Variants in DNAJC13 observed in about 807,000 individuals in gnomAD.
The protein encoded by DNAJC13 is DnaJ heat shock protein family (Hsp40) member C13, also known as dnaJ homolog subfamily C member 13.
Under a neutral mutation model 290.5 loss-of-function variants are expected in DNAJC13, and 75 were observed. The ratio of observed to expected loss-of-function variants is 0.26; its 90% CI spans 0.21 to 0.31. The LOEUF (loss-of-function observed/expected upper bound fraction) is 0.31, where lower values mean the gene tolerates loss of function less well. Among genes scored for constraint, DNAJC13 ranks in the 10% least tolerant of loss-of-function variants. The pLI is 1.00. For synonymous variants in DNAJC13, 862 were observed against 892.0 expected, an observed-to-expected ratio of 0.97 and a Z score of 0.60; for missense variants, 2,260 against 2,674.5, an observed-to-expected ratio of 0.85 and a Z score of 3.42.
At chr3:132,525,831 T>C (rs1413464813) in intron 52 of DNAJC13, 42 bp downstream of exon 52, 1 of 1,586,532 alleles carries the variant, frequency 6.3e-7, no homozygotes, top group South Asian at 1.1e-5. Context: ...CTCCAGAATT[T>C]ATCTATGCTC....
At chr3:132,492,655 A>G (rs1935100050) in intron 33 of DNAJC13, 40 bp downstream of exon 33, 2 of 1,576,402 alleles carry the variant, frequency 1.3e-6, no homozygotes, top group Non-Finnish European at 1.7e-6. Context: ...TAAGCCATAA[A>G]AATAGCCTCT....
At chr3:132,468,529 CTATG>C (rs1299482361) in intron 20 of DNAJC13, among the ~76,000 whole-genome samples, 3 of 152,084 alleles carry the variant, frequency 2.0e-5, no homozygotes, top group African/African-American at 7.2e-5. Flanking sequence ...TTTCAAGTGA[CTATG>C]TAGTATAGTA....
In DNAJC13 at chr3:132,473,240, T is replaced by A; in HGVS notation, c.2291+13T>A. 6.5e-7 allele frequency: 1 copy of A among 1,537,092 alleles called. No individual in the cohort carries two copies. The highest frequency in any genetic ancestry group is 1.2e-5 in the South Asian group (1 of 84,804). ...TCTTCTATTATAGGTAAACTTTAGGTCTCTTTTCCAATAAAGATTAAATTT... is the reference window on the plus strand; with the variant it reads ...TCTTCTATTATAGGTAAACTTTAGGACTCTTTTCCAATAAAGATTAAATTT... On this transcript the variant is annotated intron_variant, in intron 21 of 55. Coordinates refer to ENST00000260818, the MANE Select transcript of DNAJC13 (RefSeq NM_015268.4).
At chr3:132,471,321 G>C (rs1430361371) in intron 20 of DNAJC13, among the ~76,000 whole-genome samples, 2 of 146,244 alleles carry the variant, frequency 1.4e-5, no homozygotes, top group Non-Finnish European at 1.5e-5. Context: ...TCCCGGACGG[G>C]GCGGCTGGCC....
chr3:132,526,461 C>A (rs567747166), intron 53 of DNAJC13, among the ~76,000 whole-genome samples, 180 bp downstream of exon 53: 1 of 151,852 alleles, frequency 6.6e-6, no homozygotes, highest in Non-Finnish European at 1.5e-5. Flanking sequence ...GTGTATAATA[C>A]GTGTGTATAT....
Position 132,530,765 on chromosome 3 carries a change from G to C in DNAJC13, c.6526-233G>C, listed in dbSNP as rs550473896. Among the ~76,000 whole-genome samples, 3 of 152,268 alleles carry C rather than the reference G, an allele frequency of 2.0e-5. No individual in the cohort carries two copies. The South Asian group carries it at 6.2e-4, about 32-fold the overall frequency. On this transcript the variant is annotated intron_variant, in intron 54 of 55. Transcript: ENST00000260818. ...TCGGTAATTGTAGGTTCAAATAATA[G>C]AGTCCAGCTTCAGAGGGACGACTGA...
intron 6 of DNAJC13, 129 bp from the exon 7 acceptor site, chr3:132,453,169 A>G (rs748974925): frequency 2.3e-4 from 165 of 719,104 alleles, no homozygotes; most frequent in Middle Eastern, 7.8e-4. Flanking sequence ...ACAACTGCTT[A>G]TTTGCCTCTA....
chr3:132,488,695 CTA>C (rs1934965261), intron 30 of DNAJC13, among the ~76,000 whole-genome samples: 1 of 152,016 alleles, frequency 6.6e-6, no homozygotes, highest in Admixed American at 6.6e-5. Context: ...TTTAATATAA[CTA>C]TATTCATATT....
chr3:132,431,471 T>C (rs148810086), intron 1 of DNAJC13, among the ~76,000 whole-genome samples: 1 of 152,018 alleles, frequency 6.6e-6, no homozygotes, highest in East Asian at 1.9e-4. Context: ...TGAACACAGA[T>C]TTGAAGGAGA....
chr3:132,470,178 G>A (rs527449587), intron 20 of DNAJC13, among the ~76,000 whole-genome samples: 3 of 75,990 alleles, frequency 3.9e-5, no homozygotes, highest in Non-Finnish European at 7.5e-5. Flanking sequence ...ATTAGGGATT[G>A]GTGATGACTC....
chr3:132,479,276 T>C lies in DNAJC13; in HGVS notation c.2759T>C (p.Leu920Ser). 6.2e-7 allele frequency: 1 copy of C among 1,604,314 alleles called. No individual in the cohort carries two copies. Among genetic ancestry groups the C allele is most frequent in the Non-Finnish European group, 8.5e-7 (1 of 1,171,716 alleles). Residue 920 changes from leucine to serine, a missense_variant, in exon 25 of 56, where the codon TTG becomes TCG. This residue lies in a region of DNAJC13 where 1,494 missense variants were observed against 1,693.7 expected (regional missense o/e 0.88). Transcript: ENST00000260818. ...RDRLILFLNK[L>S]ILNKKNVKDL... Reference sequence around the variant, plus strand: ...AGGTTGATTCTCTTCCTTAACAAGTTGATCCTTAATAAGGTACAGTAGTTT... The same window carrying C: ...AGGTTGATTCTCTTCCTTAACAAGTCGATCCTTAATAAGGTACAGTAGTTT...
rs1446238685 is a variant in DNAJC13, at chr3:132,507,422, C to T, written c.5115+69C>T. The T allele has an allele frequency of 6.8e-5, 62 of 916,472 alleles. 1 individual carries two copies. In the Admixed American group the frequency reaches 1.2e-3, roughly 17 times the overall value. 56.8% of individuals were successfully genotyped at this position (916,472 alleles called of 1,614,324 possible). A position where few individuals can be genotyped will look rare whatever the true frequency, so the allele number is the denominator to read the frequency against. ...TGTTACTGAAAGTTACTAGTTTATT[C>T]ACACTTTATAGAGGCACACTTCATT... On this transcript the variant is annotated intron_variant, in intron 43 of 55. Coordinates refer to ENST00000260818, the MANE Select transcript of DNAJC13 (RefSeq NM_015268.4).
chr3:132,487,784 TTTC>T (rs1211516637), intron 29 of DNAJC13, among the ~76,000 whole-genome samples: 2 of 152,144 alleles, frequency 1.3e-5, no homozygotes, highest in Non-Finnish European at 2.9e-5. Context: ...CTAGCTCAAA[TTTC>T]TAGAGGCCAC....
At chr3:132,495,021 G>A in intron 34 of DNAJC13, 67 bp from the exon 35 acceptor site, 1 of 1,054,158 alleles carries the variant, frequency 9.5e-7, no homozygotes, top group South Asian at 1.5e-5. Flanking sequence ...TATCATTTTA[G>A]ATGGTTTTGT....
intron 20 of DNAJC13, among the ~76,000 whole-genome samples, chr3:132,470,541 C>T (rs1934168997): frequency 7.3e-6 from 1 of 136,758 alleles, no homozygotes; most frequent in Non-Finnish European, 1.6e-5. Flanking sequence ...CAGAGGGGCT[C>T]CTCACTTCCC....
At position 132,492,410 on chromosome 3, in the gene DNAJC13, G is replaced by A. The variant is rs1264072474; in HGVS notation, c.3624-4G>A. 2 of 1,613,436 alleles carry A rather than the reference G, an allele frequency of 1.2e-6. No individual in the cohort carries two copies. The highest frequency in any genetic ancestry group is 2.2e-5 in the East Asian group (1 of 44,852). ...AGCTTGAATGGAGGTTTTTATGATT[G>A]TAGGCGCCTGATGATAGAGAAGATT... On this transcript the variant is annotated splice_region_variant and splice_polypyrimidine_tract_variant and intron_variant, in intron 32 of 55. Transcript: ENST00000260818.
chr3:132,418,742 T>C (rs1938872751), intron 1 of DNAJC13, among the ~76,000 whole-genome samples: 1 of 152,186 alleles, frequency 6.6e-6, no homozygotes, highest in Admixed American at 6.5e-5. Context: ...AAAGTAGAAG[T>C]TCAGAACCTG....
chr3:132,450,830 G>A lies in DNAJC13; in HGVS notation c.520G>A (p.Gly174Arg). ...DYQGGFCILY[G>R]GFSRLHLFAS... ...TCAAGGAGGATTTTGTATACTTTAT[G>A]GAGGATTTAGTAGATTGGTAAGTAC... The change falls in exon 6 of 56, where the codon GGA becomes AGA. Residue 174 changes from glycine (G) to arginine (R), a missense_variant. By Grantham distance (125) the Gly-to-Arg change is moderately radical. Transcript: ENST00000260818. 6.3e-7 allele frequency: 1 copy of A among 1,579,016 alleles called. No individual in the cohort carries two copies. The highest frequency in any genetic ancestry group is 8.7e-7 in the Non-Finnish European group (1 of 1,153,418).
In DNAJC13 at chr3:132,419,600, C is replaced by G. The variant is rs114620856; in HGVS notation, c.-14+1840C>G. 9.8e-3 allele frequency among the ~76,000 whole-genome samples: 1,485 copies of G among 152,298 alleles called. 16 individuals are homozygous for G. The highest frequency in any genetic ancestry group is 0.034 in the African/African-American group (1,407 of 41,558). On this transcript the variant is annotated intron_variant, in intron 1 of 55. Coordinates refer to ENST00000260818, the MANE Select transcript of DNAJC13 (RefSeq NM_015268.4). The stretch of plus-strand genomic sequence containing the variant: ...AGATGTGTTTTAACTAATTTGGCTT[C>G]ATTCCTCAACCAGTTCTGTTTACAC...
Sources: allele counts gnomAD v4.1 joint callset (sites outside exome capture counted in the v4.1 genomes callset), GRCh38; gene constraint gnomAD v4.1.1; regional missense constraint gnomAD v4.1.1; transcripts MANE v1.5; gene names NCBI Gene and HGNC (gene_info 2026-07-23, HGNC 2026-07-21).